GRIN2B: variants seen among roughly 807,000 people sequenced by gnomAD.
GRIN2B encodes glutamate ionotropic receptor NMDA type subunit 2B.
In GRIN2B, 5 loss-of-function variants were observed where a neutral mutation model predicts 114.5. The observed-to-expected ratio is 0.04, with a 90% CI of 0.02 to 0.09. GRIN2B has a LOEUF of 0.09. Among genes scored for constraint, GRIN2B ranks in the 10% least tolerant of loss-of-function variants. The pLI, the probability that GRIN2B is intolerant of heterozygous loss-of-function variation, is 1.00. For synonymous variants in GRIN2B, 787 were observed against 745.1 expected, an observed-to-expected ratio of 1.06 and a Z score of -0.92; for missense variants, 1,108 against 1,943.5, an observed-to-expected ratio of 0.57 and a Z score of 8.08.
At chr12:13,873,801 G>A (rs1865950825) in intron 2 of GRIN2B, among the ~76,000 whole-genome samples, 1 of 152,106 alleles carries the variant, frequency 6.6e-6, no homozygotes, top group African/African-American at 2.4e-5. Flanking sequence ...CCTTGGTCCT[G>A]GAGTTGGGGA....
chr12:13,626,997 G>A (rs1018496323), intron 5 of GRIN2B, among the ~76,000 whole-genome samples: 2 of 151,820 alleles, frequency 1.3e-5, no homozygotes, highest in African/African-American at 4.8e-5. Context: ...TGGCTGGGTC[G>A]AATCCTCGGG....
intron 2 of GRIN2B, among the ~76,000 whole-genome samples, chr12:13,916,675 C>T (rs1400805555): frequency 6.6e-6 from 1 of 150,742 alleles, no homozygotes; most frequent in Admixed American, 6.6e-5. Flanking sequence ...AAGCAAGACC[C>T]CATCTCTATC....
At chr12:13,694,202 C>T (rs913293437) in intron 4 of GRIN2B, among the ~76,000 whole-genome samples, 1 of 152,256 alleles carries the variant, frequency 6.6e-6, no homozygotes, top group African/African-American at 2.4e-5. Context: ...GAACATCACA[C>T]AGCTCAACAC....
At chr12:13,618,159 T>C (rs755604867) in intron 5 of GRIN2B, among the ~76,000 whole-genome samples, 1 of 152,244 alleles carries the variant, frequency 6.6e-6, no homozygotes, top group Non-Finnish European at 1.5e-5. Context: ...CTAAGACTAC[T>C]TATTTCTAAA....
intron 3 of GRIN2B, among the ~76,000 whole-genome samples, chr12:13,805,658 G>A (rs1864588365): frequency 6.6e-6 from 1 of 152,014 alleles, no homozygotes; most frequent in Non-Finnish European, 1.5e-5. Context: ...ATGATGTTTT[G>A]ATATATGCTT....
At chr12:13,782,465 T>C (rs1004508585) in intron 3 of GRIN2B, among the ~76,000 whole-genome samples, 7 of 152,202 alleles carry the variant, frequency 4.6e-5, no homozygotes, top group Admixed American at 1.3e-4. Flanking sequence ...AACAGTAATA[T>C]ACTTTTGCTC....
intron 4 of GRIN2B, among the ~76,000 whole-genome samples, chr12:13,685,801 A>G (rs1301073870): frequency 6.6e-6 from 1 of 152,206 alleles, no homozygotes; most frequent in Non-Finnish European, 1.5e-5. Flanking sequence ...AGTGGAATAT[A>G]ATCTGGGAAT....
chr12:13,592,557 T>C (rs1337872739), intron 10 of GRIN2B, among the ~76,000 whole-genome samples: 2 of 152,234 alleles, frequency 1.3e-5, no homozygotes, highest in African/African-American at 2.4e-5. Flanking sequence ...GATGTAGCCC[T>C]AGCCAGTTGC....
intron 4 of GRIN2B, among the ~76,000 whole-genome samples, chr12:13,735,803 T>C (rs61912102): frequency 0.12 from 18,885 of 152,184 alleles, 1,363 homozygotes; most frequent in Non-Finnish European, 0.17. Flanking sequence ...CCCTGCTGCT[T>C]ACCAATAACC....
At chr12:13,812,097 A>G (rs946490159) in intron 3 of GRIN2B, among the ~76,000 whole-genome samples, 2 of 152,226 alleles carry the variant, frequency 1.3e-5, no homozygotes, top group African/African-American at 4.8e-5. Context: ...CTGAAGACAT[A>G]CTGGTGTTCA....
chr12:13,612,536 G>A (rs1316313524), intron 8 of GRIN2B, among the ~76,000 whole-genome samples: 1 of 152,128 alleles, frequency 6.6e-6, no homozygotes, highest in Non-Finnish European at 1.5e-5. Context: ...AAGTGACAAG[G>A]GAACATGTCT....
At chr12:13,707,798 A>G (rs539785348) in intron 4 of GRIN2B, among the ~76,000 whole-genome samples, 2 of 152,260 alleles carry the variant, frequency 1.3e-5, no homozygotes, top group African/African-American at 4.8e-5. Flanking sequence ...CTATTGGAAT[A>G]TTTCTATTCA....
intron 3 of GRIN2B, among the ~76,000 whole-genome samples, chr12:13,850,917 G>A (rs952104258): frequency 5.3e-5 from 8 of 152,140 alleles, no homozygotes; most frequent in South Asian, 4.1e-4. Context: ...AAAAGAAGGA[G>A]AATAATACTA....
At chr12:13,948,479 T>A (rs977903011) in intron 2 of GRIN2B, among the ~76,000 whole-genome samples, 1 of 152,066 alleles carries the variant, frequency 6.6e-6, no homozygotes, top group African/African-American at 2.4e-5. Flanking sequence ...GGGTCTTAGA[T>A]TTTTTTATAT....
At position 13,678,792 on chromosome 12, in the gene GRIN2B, A is replaced by C. The variant is rs187085700; in HGVS notation, c.1011-2933T>G. On this transcript the variant is annotated intron_variant, in intron 4 of 13. Transcript: ENST00000609686. ...CTGAAGAATTCATTGCATAGAATAT[A>C]ATTACAAAACCATGAGACAGGATAT... 2.3e-3 allele frequency among the ~76,000 whole-genome samples: 354 copies of C among 152,258 alleles called. 2 individuals carry two copies. The highest frequency in any genetic ancestry group is 3.8e-3 in the Non-Finnish European group (258 of 68,024).
chr12:13,616,078 A>G (rs1949435922), intron 6 of GRIN2B, among the ~76,000 whole-genome samples: 1 of 152,198 alleles, frequency 6.6e-6, no homozygotes, highest in Admixed American at 6.5e-5. Flanking sequence ...CTGACTTTTA[A>G]AAGCATAGAT....
intron 10 of GRIN2B, among the ~76,000 whole-genome samples, chr12:13,575,685 T>C (rs1948766821): frequency 6.7e-6 from 1 of 150,328 alleles, no homozygotes; most frequent in South Asian, 2.1e-4. Context: ...ATAATAATAA[T>C]AATAATAATA....
At chr12:13,833,899 G>A (rs1254958885) in intron 3 of GRIN2B, among the ~76,000 whole-genome samples, 1 of 151,840 alleles carries the variant, frequency 6.6e-6, no homozygotes, top group Non-Finnish European at 1.5e-5. Context: ...TCATTCCAGC[G>A]ATGCTTTCTG....
chr12:13,936,936 T>C (rs776931420), intron 2 of GRIN2B, among the ~76,000 whole-genome samples: 12 of 151,818 alleles, frequency 7.9e-5, no homozygotes, highest in Non-Finnish European at 1.3e-4. Flanking sequence ...TAACAGCAAA[T>C]TGGAGATGGC....
Sources: allele counts gnomAD v4.1 joint callset (sites outside exome capture counted in the v4.1 genomes callset), GRCh38; gene constraint gnomAD v4.1.1; transcripts MANE v1.5; gene names NCBI Gene and HGNC (gene_info 2026-07-23, HGNC 2026-07-21).